Variants in KLC1 observed in about 807,000 individuals in gnomAD.
KLC1 encodes the protein kinesin 2 60/70kDa.
In KLC1, 30 loss-of-function variants were observed where a neutral mutation model predicts 84.2. That is an observed-to-expected ratio of 0.36 (90% CI 0.27 to 0.48). The LOEUF is 0.48. Among genes scored for constraint, KLC1 ranks in the 20% least tolerant of loss-of-function variants. The pLI, the probability that KLC1 is intolerant of heterozygous loss-of-function variation, is 0.99. For synonymous variants in KLC1, 289 were observed against 293.3 expected, an observed-to-expected ratio of 0.99 and a Z score of 0.15; for missense variants, 499 against 805.4, an observed-to-expected ratio of 0.62 and a Z score of 4.60.
chr14:103,682,037 A>G (rs184802464), intron 13 of KLC1, among the ~76,000 whole-genome samples: 4 of 152,236 alleles, frequency 2.6e-5, no homozygotes, highest in African/African-American at 9.6e-5. Flanking sequence ...GTATTATGCA[A>G]TTAAGTTAAA....
At chr14:103,667,487 C>T (rs1475024430) in intron 5 of KLC1, among the ~76,000 whole-genome samples, 1 of 152,118 alleles carries the variant, frequency 6.6e-6, no homozygotes, top group Non-Finnish European at 1.5e-5. Context: ...AGGTGCATGT[C>T]GCCAGGCCTG....
At chr14:103,656,372 C>T (rs1306284781) in intron 2 of KLC1, among the ~76,000 whole-genome samples, 1 of 152,152 alleles carries the variant, frequency 6.6e-6, no homozygotes, top group Non-Finnish European at 1.5e-5. Context: ...TCTATAATAT[C>T]ATGCTTGACA....
intron 1 of KLC1, among the ~76,000 whole-genome samples, chr14:103,641,628 TCTCTGTTGC>T (rs771627148): frequency 6.6e-6 from 1 of 151,984 alleles, no homozygotes; most frequent in Non-Finnish European, 1.5e-5. Flanking sequence ...ACAGAGTCTG[TCTCTGTTGC>T]CCAAGCTGGA....
intron 1 of KLC1, among the ~76,000 whole-genome samples, chr14:103,640,098 C>T (rs893868686): frequency 1.4e-4 from 22 of 151,982 alleles, no homozygotes; most frequent in African/African-American, 4.6e-4. Context: ...GACAGAGTTT[C>T]GCTCTGTTGT....
intron 15 of KLC1, among the ~76,000 whole-genome samples, chr14:103,692,839 ACT>A (rs751464094): frequency 3.0e-4 from 46 of 152,244 alleles, no homozygotes; most frequent in Non-Finnish European, 4.4e-4. Flanking sequence ...AGTATTCAAA[ACT>A]CTGTTAACAT....
intron 1 of KLC1, among the ~76,000 whole-genome samples, chr14:103,653,056 A>T (rs555508622): frequency 5.5e-4 from 84 of 152,258 alleles, no homozygotes; most frequent in Non-Finnish European, 1.1e-3. Context: ...CTGTCAGTCC[A>T]TCCATTCACT....
intron 5 of KLC1, among the ~76,000 whole-genome samples, chr14:103,666,382 C>T (rs1441831308): frequency 2.7e-5 from 4 of 148,178 alleles, no homozygotes; most frequent in African/African-American, 9.9e-5. Context: ...CTTCTTAAAC[C>T]CACTTGATTT....
intron 1 of KLC1, among the ~76,000 whole-genome samples, chr14:103,648,230 T>C (rs2078108631): frequency 6.6e-6 from 1 of 152,190 alleles, no homozygotes; most frequent in Admixed American, 6.5e-5. Flanking sequence ...ATTACAGGCG[T>C]GAGCCACCGC....
intron 1 of KLC1, among the ~76,000 whole-genome samples, chr14:103,629,897 A>T (rs2076542608): frequency 6.6e-6 from 1 of 151,916 alleles, no homozygotes; most frequent in Non-Finnish European, 1.5e-5. Context: ...GGAACCCGCG[A>T]CAGGGGAGGT....
At chr14:103,680,105 C>G (rs2081225860) in intron 13 of KLC1, among the ~76,000 whole-genome samples, 1 of 152,208 alleles carries the variant, frequency 6.6e-6, no homozygotes, top group African/African-American at 2.4e-5. Flanking sequence ...TTGGGGCTGG[C>G]TCTTCCTGGT....
chr14:103,639,563 C>T (rs1393954923), intron 1 of KLC1, among the ~76,000 whole-genome samples: 2 of 152,140 alleles, frequency 1.3e-5, no homozygotes, highest in Non-Finnish European at 1.5e-5. Flanking sequence ...CCACCTTAGC[C>T]TCCTGAGTAG....
chr14:103,657,909 T>C (rs2078944864), intron 3 of KLC1, 133 bp downstream of exon 3: 1 of 716,808 alleles, frequency 1.4e-6, no homozygotes. Flanking sequence ...AAATGTTTTG[T>C]AAATATAAGC....
intron 1 of KLC1, among the ~76,000 whole-genome samples, chr14:103,642,458 T>A (rs557542505): frequency 1.3e-5 from 2 of 152,170 alleles, no homozygotes; most frequent in Admixed American, 1.3e-4. Context: ...TGTCTTGATA[T>A]TTTTCCCATG....
chr14:103,644,657 G>C (rs2077762299), intron 1 of KLC1, among the ~76,000 whole-genome samples: 2 of 152,228 alleles, frequency 1.3e-5, no homozygotes, highest in South Asian at 4.2e-4. Context: ...ACTTTGGGAG[G>C]CCGAGGTAGG....
At chr14:103,657,189 A>G (rs79830783) in intron 2 of KLC1, among the ~76,000 whole-genome samples, 2,471 of 152,276 alleles carry the variant, frequency 0.016, 64 homozygotes, top group African/African-American at 0.056. Context: ...GAGGTCTTAC[A>G]CATGGGAAAG....
chr14:103,665,339 C>T (rs991444642), intron 5 of KLC1, among the ~76,000 whole-genome samples: 1 of 151,842 alleles, frequency 6.6e-6, no homozygotes, highest in Non-Finnish European at 1.5e-5. Flanking sequence ...GTGTGAGCTG[C>T]GAGGTACCAC....
At chr14:103,681,607 C>T (rs937328303) in intron 13 of KLC1, among the ~76,000 whole-genome samples, 6 of 152,016 alleles carry the variant, frequency 3.9e-5, no homozygotes, top group Admixed American at 1.3e-4. Flanking sequence ...TACAGGTGTG[C>T]GCCACCACAC....
intron 11 of KLC1, among the ~76,000 whole-genome samples, chr14:103,676,274 AT>A (rs545812311): frequency 3.0e-4 from 43 of 144,126 alleles, no homozygotes; most frequent in South Asian, 6.6e-4. Flanking sequence ...TTTCCACTCT[AT>A]TTTTTTTTTT....
chr14:103,675,246 A>C (rs2080779613), intron 9 of KLC1, among the ~76,000 whole-genome samples: 1 of 152,078 alleles, frequency 6.6e-6, no homozygotes, highest in Non-Finnish European at 1.5e-5. Context: ...AGTCACTTGA[A>C]CCCAGGAGCT....
Sources: gnomAD v4.1 joint callset for allele counts (sites outside exome capture counted in the v4.1 genomes callset) on GRCh38, gnomAD v4.1.1 for gene constraint, MANE v1.5 for transcripts, NCBI Gene and HGNC (gene_info 2026-07-23, HGNC 2026-07-21) for gene names.